ZNF540: variants seen among roughly 807,000 people sequenced by gnomAD.
The protein encoded by ZNF540 is CTD-3064H18.6.
ZNF540 carries 3 observed loss-of-function variants against 11.8 expected under a neutral mutation model. That is an observed-to-expected ratio of 0.25 (90% CI 0.12 to 0.65). The LOEUF (loss-of-function observed/expected upper bound fraction) is 0.65. Ranked by LOEUF, ZNF540 falls within the 30% of genes least tolerant of loss-of-function variation. ZNF540 has a pLI of 0.83. For missense variants in ZNF540, 709 were observed against 793.1 expected, an observed-to-expected ratio of 0.89 and a Z score of 1.27; for synonymous variants, 247 against 259.0, an observed-to-expected ratio of 0.95 and a Z score of 0.45.
chr19:37,565,049 G>A, intron 1 of ZNF540: 1 of 1,613,668 alleles, frequency 6.2e-7, no homozygotes, highest in Non-Finnish European at 8.5e-7. Flanking sequence ...AGTAAGATAT[G>A]CAACACGAAT....
In ZNF540 at chr19:37,583,983, G is replaced by A. The variant is rs779027782; in HGVS notation, c.-72-14393G>A. The A allele has an allele frequency of 3.7e-6, 6 of 1,611,188 alleles. No homozygotes were observed. In the South Asian group the frequency reaches 6.6e-5, roughly 18 times the overall value. On this transcript the variant is annotated intron_variant, in intron 1 of 4. Transcript: ENST00000592533. Reference sequence around the variant, plus strand: ...AGGATGATCTTACCCAATGAGATCAGGTTGCTGTAGTTCTCCAACATCACA... The same window carrying A: ...AGGATGATCTTACCCAATGAGATCAAGTTGCTGTAGTTCTCCAACATCACA...
In ZNF540 at chr19:37,612,389, T is replaced by G. The variant is rs369400776; in HGVS notation, c.1109T>G (p.Leu370Arg). Residue 370 changes from leucine (L) to arginine (R), a missense_variant, in exon 5 of 5, where the codon CTT becomes CGT. Transcript: ENST00000316433. ...CGKTFRLSFY[L>R]TEHRRTHAGK... ...AAGACCTTTAGACTTAGTTTTTACC[T>G]TACTGAACACAGAAGAACTCATGCA... 6.2e-7 allele frequency: 1 copy of G among 1,613,910 alleles called. No homozygotes were observed. Among genetic ancestry groups the G allele is most frequent in the African/African-American group, 1.3e-5 (1 of 74,900 alleles).
At position 37,612,309 on chromosome 19, in the gene ZNF540, C is replaced by G. The variant is rs750235605; in HGVS notation, c.1029C>G (p.Thr343=). 1.9e-6 allele frequency: 3 copies of G among 1,611,986 alleles called. No homozygotes were observed. Among genetic ancestry groups the G allele is most frequent in the Non-Finnish European group, 1.7e-6 (2 of 1,179,392 alleles). The change falls in exon 5 of 5, where the codon ACC becomes ACG. Residue 343 remains threonine, a synonymous_variant. Transcript: ENST00000316433. ...CTTTTAGTGTATGCGGACAACTTAC[C>G]CGTCATCAGAAAATTCATACTGGTG... ...GKAFSVCGQL[T]RHQKIHTGVK...
chr19:37,594,217 T>C (rs2043949419), upstream of ZNF540: 1 of 152,284 alleles, frequency 6.6e-6, no homozygotes, highest in Non-Finnish European at 1.5e-5. Flanking sequence ...AAGAGCCTCT[T>C]ACTCTGCAAA....
rs199841100 is a variant in ZNF540 at position 37,564,499 on chromosome 19, A to T, written c.-73+12834A>T. 1.6e-4 allele frequency: 191 copies of T among 1,175,180 alleles called. 1 individual carries two copies. In the East Asian group the frequency reaches 4.9e-3, roughly 30 times the overall value. 72.8% of individuals were successfully genotyped at this position (1,175,180 alleles called of 1,614,324 possible). A position where few individuals can be genotyped will look rare whatever the true frequency, so the allele number is the denominator to read the frequency against. Reference sequence around the variant, plus strand: ...CATCCATGTTAATGTAGGCCTTCTAAGAATGAGCAGATTCTGAGCAGAAGC... The same window carrying T: ...CATCCATGTTAATGTAGGCCTTCTATGAATGAGCAGATTCTGAGCAGAAGC... On this transcript the variant is annotated intron_variant, in intron 1 of 4. Transcript: ENST00000592533.
At chr19:37,567,592 A>G (rs1362758492) in intron 1 of ZNF540, 2 of 152,194 alleles carry the variant, frequency 1.3e-5, no homozygotes, top group Non-Finnish European at 2.9e-5. Flanking sequence ...AGTTCCAAGA[A>G]CATGTCAAAT....
Position 37,581,871 on chromosome 19 carries a change from A to AGGT in ZNF540, c.-72-16505_-72-16504insGGT, listed in dbSNP as rs1336597230. On this transcript the variant is annotated intron_variant, in intron 1 of 4. Transcript: ENST00000592533. ...CAGGAGCTGCAGGGTGAACCAGGAG[A>AGGT]ATGGCAAAACTTCTCAAGAGGTATG... Among the ~76,000 whole-genome samples the AGGT allele has an allele frequency of 3.7e-3, 557 of 152,098 alleles. 2 individuals carry two copies. The highest frequency in any genetic ancestry group is 3.4e-3 in the Non-Finnish European group (234 of 67,988).
rs895473157 is a variant in ZNF540, at chr19:37,612,201, T to G, written c.921T>G (p.Val307=). ...KSYECKECGK[V]FQLIFYFKEH... ...ATGAATGTAAAGAATGTGGAAAAGT[T>G]TTTCAACTTATTTTCTACTTTAAAG... Residue 307 remains valine, a synonymous_variant, in exon 5 of 5, where the codon GTT becomes GTG. Transcript: ENST00000316433. 6.2e-7 allele frequency: 1 copy of G among 1,612,258 alleles called. No homozygotes were observed. Among genetic ancestry groups the G allele is most frequent in the African/African-American group, 1.3e-5 (1 of 74,754 alleles).
chr19:37,604,708 G>A (rs2044069923), intron 4 of ZNF540, among the ~76,000 whole-genome samples: 1 of 152,094 alleles, frequency 6.6e-6, no homozygotes, highest in Non-Finnish European at 1.5e-5. Flanking sequence ...AAACACGTGA[G>A]TCTTGTAATC....
At chr19:37,575,490 A>G (rs1228683071) in intron 1 of ZNF540, 1 of 152,200 alleles carries the variant, frequency 6.6e-6, no homozygotes, top group Non-Finnish European at 1.5e-5. Context: ...ATCCTTGACA[A>G]CAAGCTTATT....
At chr19:37,606,139 CT>C (rs2044083839) in intron 4 of ZNF540, among the ~76,000 whole-genome samples, 1 of 152,084 alleles carries the variant, frequency 6.6e-6, no homozygotes, top group African/African-American at 2.4e-5. Context: ...GTTGATTTTC[CT>C]TTTCTGAACA....
At chr19:37,595,316 G>C (rs1480240250) in intron 1 of ZNF540, 1 of 152,402 alleles carries the variant, frequency 6.6e-6, no homozygotes, top group East Asian at 1.9e-4. Flanking sequence ...TTATGCTTGA[G>C]GCTATTAGTG....
intron 1 of ZNF540, chr19:37,565,483 G>C: frequency 6.2e-7 from 1 of 1,613,244 alleles, no homozygotes; most frequent in Non-Finnish European, 8.5e-7. Flanking sequence ...CAAGAATAAA[G>C]GCCTTTCCAC....
rs191967296 is a variant in ZNF540 at position 37,558,291 on chromosome 19, T to G, written c.-73+6626T>G. ...AACCTTTTGGGCTATTTCTAAAAGC[T>G]GACTGATATTCATTCCAGCAAATCC... On this transcript the variant is annotated intron_variant, in intron 1 of 4. Transcript: ENST00000592533. Among the ~76,000 whole-genome samples the G allele has an allele frequency of 6.8e-3, 1,034 of 152,322 alleles. 8 individuals carry two copies. Among genetic ancestry groups the G allele is most frequent in the South Asian group, 0.028 (134 of 4,826 alleles).
At position 37,569,005 on chromosome 19, in the gene ZNF540, G is replaced by A. The variant is rs1388851969; in HGVS notation, c.-73+17340G>A. Among the ~76,000 whole-genome samples the A allele has an allele frequency of 6.6e-6, 1 of 151,724 alleles. No homozygotes were observed. The highest frequency in any genetic ancestry group is 1.9e-4 in the East Asian group (1 of 5,172). On this transcript the variant is annotated intron_variant, in intron 1 of 4. Coordinates refer to the ZNF540 transcript ENST00000592533. The surrounding 1 kb of genome is among the most constrained non-coding windows in gnomAD (Gnocchi z 4.4). ...GGAGTCTCGCTCTGTCATCCAGGCT[G>A]GAGTGCAGTCGTGCCATCTCAGCTC...
At chr19:37,597,303 C>T (rs2044003893) in intron 1 of ZNF540, 1 of 151,992 alleles carries the variant, frequency 6.6e-6, no homozygotes, top group South Asian at 2.1e-4. Flanking sequence ...GTGGTGAGCC[C>T]TGAGGATTGT....
At chr19:37,605,636 G>A (rs1243116412) in intron 4 of ZNF540, among the ~76,000 whole-genome samples, 1 of 152,020 alleles carries the variant, frequency 6.6e-6, no homozygotes, top group East Asian at 1.9e-4. Context: ...CAACAAGAGT[G>A]AAACTCTTGT....
intron 1 of ZNF540, among the ~76,000 whole-genome samples, chr19:37,558,492 T>C (rs1273761348): frequency 6.6e-6 from 1 of 152,092 alleles, no homozygotes; most frequent in Non-Finnish European, 1.5e-5. Flanking sequence ...GATGACTTCA[T>C]TCGCCTTAGA....
intron 1 of ZNF540, among the ~76,000 whole-genome samples, chr19:37,578,575 G>A (rs1027854677): frequency 6.6e-6 from 1 of 152,190 alleles, no homozygotes. Context: ...AGTGGAAGCC[G>A]CAGTCACAGT....
Sources: allele counts gnomAD v4.1 joint callset (sites outside exome capture counted in the v4.1 genomes callset), GRCh38; gene constraint gnomAD v4.1.1; non-coding constraint Gnocchi (gnomAD v3.1); transcripts MANE v1.5; gene names NCBI Gene and HGNC (gene_info 2026-07-23, HGNC 2026-07-21).